The following SGCD variants were observed in gnomAD, a reference collection of about 807,000 sequenced individuals.
SGCD encodes sarcoglycan delta.
In SGCD, 18 loss-of-function variants were observed where a neutral mutation model predicts 36.6. That is an observed-to-expected ratio of 0.49 (90% CI 0.34 to 0.73). The LOEUF (loss-of-function observed/expected upper bound fraction) is 0.73, where lower values mean the gene tolerates loss of function less well. Among genes scored for constraint, SGCD ranks in the 30% least tolerant of loss-of-function variants. The pLI is 0.01. For missense variants in SGCD, 387 were observed against 346.7 expected, an observed-to-expected ratio of 1.12 and a Z score of -0.92; for synonymous variants, 133 against 130.6, an observed-to-expected ratio of 1.02 and a Z score of -0.12.
intron 3 of SGCD, among the ~76,000 whole-genome samples, chr5:156,396,032 C>G (rs1771829201): frequency 6.6e-6 from 1 of 152,146 alleles, no homozygotes; most frequent in Admixed American, 6.5e-5. Context: ...TGTTTCTTCA[C>G]TTAGAATTTT....
the SGCD span, among the ~76,000 whole-genome samples, chr5:155,793,072 A>G: frequency 6.6e-6 from 1 of 152,238 alleles, no homozygotes; most frequent in East Asian, 1.9e-4. Context: ...CTATGCAGCC[A>G]TGAAAAAGAA....
At chr5:155,838,254 A>G in the SGCD span, among the ~76,000 whole-genome samples, 1 of 152,218 alleles carries the variant, frequency 6.6e-6, no homozygotes, top group Non-Finnish European at 1.5e-5. Context: ...GTTAAATTCC[A>G]CCAATTGTCT....
chr5:156,601,021 G>T (rs1218184840), intron 6 of SGCD, among the ~76,000 whole-genome samples: 1 of 151,856 alleles, frequency 6.6e-6, no homozygotes, highest in Non-Finnish European at 1.5e-5. Flanking sequence ...TTGCTTTTTT[G>T]CTGTTCCTTT....
chr5:155,846,164 G>T, the SGCD span, among the ~76,000 whole-genome samples: 1 of 152,204 alleles, frequency 6.6e-6, no homozygotes, highest in East Asian at 1.9e-4. Flanking sequence ...ATAACTTTTA[G>T]TAACTTGAGG....
chr5:156,437,626 T>G (rs1326903423), intron 3 of SGCD, among the ~76,000 whole-genome samples: 1 of 152,122 alleles, frequency 6.6e-6, no homozygotes, highest in Non-Finnish European at 1.5e-5. Context: ...AAATTTTACA[T>G]CATTTTCAAG....
chr5:156,763,308 C>G lies in SGCD; in HGVS notation c.*3918C>G, dbSNP rs929941069. 1 of 152,662 alleles carries G rather than the reference C, an allele frequency of 6.6e-6. No individual in the cohort carries two copies. Among genetic ancestry groups the G allele is most frequent in the African/African-American group, 2.4e-5 (1 of 41,454 alleles). The allele number at this position is 152,662 out of a possible 1,614,324, so 9.5% of individuals were successfully genotyped here. A position where few individuals can be genotyped will look rare whatever the true frequency, so the allele number is the denominator to read the frequency against. Reference sequence around the variant, plus strand: ...ATGGTCCTCCAGAGAATAGTTTTGACTTAACATGTCTGTTTAGCCCACATC... The same window carrying G: ...ATGGTCCTCCAGAGAATAGTTTTGAGTTAACATGTCTGTTTAGCCCACATC... On this transcript the variant is annotated 3_prime_UTR_variant, in exon 9 of 9. Transcript: ENST00000337851.
intron 7 of SGCD, among the ~76,000 whole-genome samples, chr5:156,682,313 G>A (rs913373489): frequency 6.6e-5 from 10 of 152,196 alleles, no homozygotes; most frequent in South Asian, 2.1e-4. Flanking sequence ...ATAAAATGCT[G>A]TTTTCACATA....
chr5:155,864,099 T>C, the SGCD span, among the ~76,000 whole-genome samples: 1 of 152,210 alleles, frequency 6.6e-6, no homozygotes, highest in Non-Finnish European at 1.5e-5. Flanking sequence ...GGAAAGACTT[T>C]CTCCTAATAG....
At chr5:156,240,376 TG>T (rs769668086) in intron 3 of SGCD, among the ~76,000 whole-genome samples, 5 of 152,096 alleles carry the variant, frequency 3.3e-5, no homozygotes, top group Non-Finnish European at 5.9e-5. Flanking sequence ...TCTGAATGCT[TG>T]GGGGAATGCT....
At chr5:155,941,172 T>G (rs1344551351) in intron 1 of SGCD, among the ~76,000 whole-genome samples, 1 of 152,170 alleles carries the variant, frequency 6.6e-6, no homozygotes, top group Non-Finnish European at 1.5e-5. Flanking sequence ...AAACCCACTC[T>G]CGAGATAACT....
At chr5:156,420,887 G>A (rs899349594) in intron 3 of SGCD, among the ~76,000 whole-genome samples, 4 of 152,082 alleles carry the variant, frequency 2.6e-5, no homozygotes, top group Admixed American at 6.6e-5. Flanking sequence ...ATGCTTCAAC[G>A]TGGTTATGAG....
intron 1 of SGCD, among the ~76,000 whole-genome samples, chr5:156,106,034 T>C (rs1761637909): frequency 1.5e-5 from 2 of 132,988 alleles, no homozygotes; most frequent in South Asian, 4.7e-4. Flanking sequence ...TGCTTGAACC[T>C]GGGAGGTGGA....
chr5:156,722,774 G>A (rs1002184023), intron 7 of SGCD, among the ~76,000 whole-genome samples: 1 of 152,072 alleles, frequency 6.6e-6, no homozygotes, highest in Admixed American at 6.6e-5. Context: ...TCCACTTATG[G>A]GATGTTTTGT....
At chr5:156,266,882 T>C (rs2127667676) in intron 3 of SGCD, among the ~76,000 whole-genome samples, 1 of 152,230 alleles carries the variant, frequency 6.6e-6, no homozygotes, top group East Asian at 1.9e-4. Flanking sequence ...GGCAATGACT[T>C]ATCCTGAGAG....
intron 3 of SGCD, among the ~76,000 whole-genome samples, chr5:156,253,090 G>A (rs571659209): frequency 6.6e-6 from 1 of 152,324 alleles, no homozygotes; most frequent in South Asian, 2.1e-4. Context: ...TGTTGGGAGT[G>A]GGGGTGTTTA....
intron 3 of SGCD, among the ~76,000 whole-genome samples, chr5:156,217,891 A>AT (rs1477714717): frequency 1.3e-5 from 2 of 152,174 alleles, no homozygotes; most frequent in East Asian, 3.8e-4. Context: ...TTCTTTCATT[A>AT]TAAAAATCAT....
At chr5:156,163,031 T>C (rs1763121064) in intron 3 of SGCD, among the ~76,000 whole-genome samples, 2 of 151,572 alleles carry the variant, frequency 1.3e-5, no homozygotes, top group African/African-American at 2.4e-5. Context: ...GATGGCAATG[T>C]AGCCCAGCTT....
chr5:155,858,725 G>T, the SGCD span, among the ~76,000 whole-genome samples: 1 of 152,192 alleles, frequency 6.6e-6, no homozygotes, highest in African/African-American at 2.4e-5. Flanking sequence ...TGGAGGAGAA[G>T]TTCTGGGTCG....
intron 3 of SGCD, among the ~76,000 whole-genome samples, chr5:156,224,961 T>A (rs1764813267): frequency 6.6e-6 from 1 of 152,154 alleles, no homozygotes; most frequent in Admixed American, 6.6e-5. Flanking sequence ...CTGTTAGATA[T>A]TATAGAAGGT....
Sources: gnomAD v4.1 joint callset for allele counts (sites outside exome capture counted in the v4.1 genomes callset) on GRCh38, gnomAD v4.1.1 for gene constraint, MANE v1.5 for transcripts, NCBI Gene and HGNC (gene_info 2026-07-23, HGNC 2026-07-21) for gene names.